The following STAG1 variants were observed in gnomAD, a reference collection of about 807,000 sequenced individuals.
STAG1 encodes STAG1 cohesin complex component, also known as cohesin subunit SA-1.
In STAG1, 26 loss-of-function variants were observed where a neutral mutation model predicts 170.9. The observed-to-expected ratio is 0.15, with a 90% CI of 0.11 to 0.21. STAG1 has a LOEUF of 0.21. Among genes scored for constraint, STAG1 ranks in the 10% least tolerant of loss-of-function variants. The pLI is 1.00. For synonymous variants in STAG1, 514 were observed against 497.7 expected (o/e 1.03, Z -0.44); for missense variants, 964 against 1,509.5 (o/e 0.64, Z 5.99).
chr3:136,705,882 C>T (rs1160212150), intron 1 of STAG1, among the ~76,000 whole-genome samples: 1 of 151,958 alleles, frequency 6.6e-6, no homozygotes, highest in East Asian at 1.9e-4. Flanking sequence ...TGGCTCATGC[C>T]TATAATCCCA....
chr3:136,589,047 C>T (rs1938003862), intron 4 of STAG1, among the ~76,000 whole-genome samples: 1 of 152,124 alleles, frequency 6.6e-6, no homozygotes, highest in African/African-American at 2.4e-5. Context: ...AGGTATGAGC[C>T]ACCACACCCA....
chr3:136,410,268 C>T (rs1427262484), intron 21 of STAG1, among the ~76,000 whole-genome samples: 1 of 150,648 alleles, frequency 6.6e-6, no homozygotes, highest in African/African-American at 2.4e-5. Context: ...GGTGTGGTGG[C>T]GGGCTCCTGT....
intron 6 of STAG1, among the ~76,000 whole-genome samples, chr3:136,538,158 T>C (rs1044487618): frequency 2.6e-5 from 4 of 152,188 alleles, no homozygotes; most frequent in Non-Finnish European, 4.4e-5. Flanking sequence ...GTATGAAATA[T>C]TGTCTTATCT....
intron 16 of STAG1, among the ~76,000 whole-genome samples, chr3:136,427,909 T>C (rs750729661): frequency 6.6e-6 from 1 of 152,164 alleles, no homozygotes; most frequent in Non-Finnish European, 1.5e-5. Context: ...AAAGGATAGT[T>C]TGATAATTTT....
rs116963478 is a variant in STAG1, at chr3:136,518,780, C to T, written c.676+2433G>A. 1.8e-3 allele frequency among the ~76,000 whole-genome samples: 271 copies of T among 151,910 alleles called. 1 individual carries two copies. In the East Asian group the frequency reaches 0.018, roughly 10 times the overall value. ...GATATCTGATTTTGAAAAATAATTTCGAATTTAAATAGGCTACATGATGAT... is the reference window on the plus strand; with the variant it reads ...GATATCTGATTTTGAAAAATAATTTTGAATTTAAATAGGCTACATGATGAT... On this transcript the variant is annotated intron_variant, in intron 7 of 33. Coordinates refer to ENST00000383202, the MANE Select transcript of STAG1 (RefSeq NM_005862.3).
chr3:136,342,468 G>A (rs527588704), intron 30 of STAG1, among the ~76,000 whole-genome samples: 20 of 151,736 alleles, frequency 1.3e-4, no homozygotes, highest in Admixed American at 5.9e-4. Flanking sequence ...ACAGGCATGC[G>A]CCACCACACC....
chr3:136,735,411 C>T (rs1383469692), intron 1 of STAG1, among the ~76,000 whole-genome samples: 2 of 151,986 alleles, frequency 1.3e-5, no homozygotes, highest in East Asian at 3.9e-4. Context: ...CAGGCATGAG[C>T]CACTGTGCCC....
chr3:136,512,096 T>TAAAAAAAA (rs35238532), intron 7 of STAG1, among the ~76,000 whole-genome samples: 220 of 66,498 alleles, frequency 3.3e-3, no homozygotes, highest in Middle Eastern at 9.8e-3. Context: ...CTCTACAAAA[T>TAAAAAAAA]AAAAAAAAAA....
chr3:136,631,116 C>G (rs530748961), intron 1 of STAG1, 135 bp from the exon 2 acceptor site: 1 of 481,860 alleles, frequency 2.1e-6, no homozygotes, highest in African/African-American at 2.0e-5. Flanking sequence ...CCAATGTCCA[C>G]AGATGTTTAT....
At chr3:136,362,066 T>A (rs1936887537) in intron 26 of STAG1, among the ~76,000 whole-genome samples, 2 of 152,018 alleles carry the variant, frequency 1.3e-5, no homozygotes, top group South Asian at 4.1e-4. Flanking sequence ...AATGATTGTC[T>A]TGCCTCAGCC....
intron 4 of STAG1, chr3:136,586,794 T>C (rs1402998611): frequency 2.2e-6 from 1 of 455,930 alleles, no homozygotes; most frequent in Non-Finnish European, 4.4e-6. Context: ...ATACATTACT[T>C]AGCTCACCTG....
At chr3:136,375,944 G>A (rs1438649572) in intron 23 of STAG1, among the ~76,000 whole-genome samples, 6 of 147,264 alleles carry the variant, frequency 4.1e-5, no homozygotes, top group Non-Finnish European at 5.9e-5. Flanking sequence ...ACACCAGCCC[G>A]GGCAACAGTG....
chr3:136,737,080 AGTAAGAGGAACCAGGACAG>A, intron 1 of STAG1: 1 of 1,051,580 alleles, frequency 9.5e-7, no homozygotes, highest in Non-Finnish European at 1.5e-6. Flanking sequence ...GTGAAACTGA[AGTAAGAGGAACCAGGACAG>A]GTCAGTCTTT....
At chr3:136,591,835 C>G (rs1476868319) in intron 4 of STAG1, among the ~76,000 whole-genome samples, 1 of 152,118 alleles carries the variant, frequency 6.6e-6, no homozygotes. Flanking sequence ...TTGAAATGGC[C>G]CTAGGGTATC....
chr3:136,457,019 A>G (rs1189415107), intron 13 of STAG1, among the ~76,000 whole-genome samples: 1 of 152,208 alleles, frequency 6.6e-6, no homozygotes, highest in Non-Finnish European at 1.5e-5. Flanking sequence ...GAGTTCTTCA[A>G]TTTGAAAGAA....
intron 1 of STAG1, among the ~76,000 whole-genome samples, chr3:136,668,059 C>T (rs1941852882): frequency 6.6e-6 from 1 of 151,664 alleles, no homozygotes. Flanking sequence ...GAACAAAACT[C>T]TGTCTCTTCT....
chr3:136,600,375 G>A (rs1351048193), intron 4 of STAG1, among the ~76,000 whole-genome samples: 1 of 152,140 alleles, frequency 6.6e-6, no homozygotes, highest in Non-Finnish European at 1.5e-5. Context: ...TCTTCATGAA[G>A]CACTTTAACA....
intron 1 of STAG1, among the ~76,000 whole-genome samples, chr3:136,685,386 T>C (rs1199228165): frequency 6.6e-6 from 1 of 151,892 alleles, no homozygotes; most frequent in African/African-American, 2.4e-5. Flanking sequence ...CCAATAATGA[T>C]GAGCCAGACC....
chr3:136,556,932 T>C (rs539488406), intron 5 of STAG1, among the ~76,000 whole-genome samples: 2 of 152,268 alleles, frequency 1.3e-5, no homozygotes, highest in African/African-American at 4.8e-5. Flanking sequence ...CCAGTAAGTT[T>C]CTAGTCAAGA....
Sources: allele counts gnomAD v4.1 joint callset (sites outside exome capture counted in the v4.1 genomes callset), GRCh38; gene constraint gnomAD v4.1.1; transcripts MANE v1.5; gene names NCBI Gene and HGNC (gene_info 2026-07-23, HGNC 2026-07-21).